RNF144A: variants seen among roughly 807,000 people sequenced by gnomAD.
RNF144A encodes E3 ubiquitin-protein ligase RNF144A.
A neutral mutation model predicts 38.7 loss-of-function variants in RNF144A; 11 were observed. That is an observed-to-expected ratio of 0.28 (90% CI 0.18 to 0.47). The LOEUF (loss-of-function observed/expected upper bound fraction) is 0.47. Ranked by LOEUF, RNF144A falls within the 20% of genes least tolerant of loss-of-function variation. The pLI is 0.99. For missense variants in RNF144A, 316 were observed against 377.2 expected, an observed-to-expected ratio of 0.84 and a Z score of 1.34; for synonymous variants, 149 against 143.9, an observed-to-expected ratio of 1.04 and a Z score of -0.25.
Position 7,060,944 on chromosome 2 carries a change from C to A in RNF144A, c.735-7272C>A, listed in dbSNP as rs576697461. Among the ~76,000 whole-genome samples, 7 of 152,208 alleles carry A rather than the reference C, an allele frequency of 4.6e-5. No individual in the cohort carries two copies. The South Asian group carries it at 1.5e-3, about 32-fold the overall frequency. On this transcript the variant is annotated intron_variant, in intron 6 of 6. Coordinates refer to the RNF144A transcript ENST00000432850. ...GTAGTTTCCTTGAGAGGAGATGGGA[C>A]CTGAGTCTAATAGTTTGTTTTTCCT...
In RNF144A at chr2:6,992,529, G is replaced by T. The variant is rs529330190; in HGVS notation, c.-11-4387G>T. The stretch of plus-strand genomic sequence containing the variant: ...GGGTAAGGAAGGAAAAGGGAGTTAG[G>T]CTGCAGAGGAAACATGAGAGTGTCC... On this transcript the variant is annotated intron_variant, in intron 2 of 8. Transcript: ENST00000320892. Among the ~76,000 whole-genome samples, 8 of 152,356 alleles carry T rather than the reference G, an allele frequency of 5.3e-5. No homozygotes were observed. In the South Asian group the frequency reaches 1.0e-3, roughly 20 times the overall value.
chr2:6,989,798 T>C (rs1433844284), intron 2 of RNF144A, among the ~76,000 whole-genome samples: 1 of 152,158 alleles, frequency 6.6e-6, no homozygotes, highest in African/African-American at 2.4e-5. Context: ...TAACCACTGA[T>C]CTGTTTGCTG....
At chr2:7,063,643 G>A (rs1380543934) in intron 6 of RNF144A, among the ~76,000 whole-genome samples, 1 of 151,912 alleles carries the variant, frequency 6.6e-6, no homozygotes, top group African/African-American at 2.4e-5. Context: ...ATTAAAGGAT[G>A]GGCAAAAAAA....
intron 6 of RNF144A, among the ~76,000 whole-genome samples, chr2:7,061,389 A>G (rs914832226): frequency 6.6e-6 from 1 of 152,186 alleles, no homozygotes; most frequent in African/African-American, 2.4e-5. Context: ...GATATTTTCT[A>G]TTGTTCCTGG....
chr2:6,976,875 CA>C (rs1294416498), intron 2 of RNF144A, among the ~76,000 whole-genome samples: 5 of 151,950 alleles, frequency 3.3e-5, no homozygotes, highest in Non-Finnish European at 7.4e-5. Flanking sequence ...TTCTATAATA[CA>C]TATTCTTCTT....
intron 7 of RNF144A, among the ~76,000 whole-genome samples, chr2:7,027,723 A>T (rs572291856): frequency 1.3e-5 from 2 of 152,216 alleles, no homozygotes; most frequent in South Asian, 4.1e-4. Context: ...TTTTCTGAAC[A>T]ATAGGAGGAA....
chr2:6,958,161 C>T lies in RNF144A; in HGVS notation c.-12+17014C>T, dbSNP rs1667125036. Among the ~76,000 whole-genome samples the T allele has an allele frequency of 6.6e-6, 1 of 152,248 alleles. No homozygotes were observed. The highest frequency in any genetic ancestry group is 6.5e-5 in the Admixed American group (1 of 15,288). On this transcript the variant is annotated intron_variant, in intron 2 of 8. Coordinates refer to ENST00000320892, the MANE Select transcript of RNF144A (RefSeq NM_014746.6). This position sits in a 1 kb window ranked among gnomAD's most constrained non-coding sequence, Gnocchi z 4.5. ...CAGCCACCATGGGGCACCGGGCGTG[C>T]TGTCTCTTCCTGGAAGGTGGAACTT...
intron 2 of RNF144A, among the ~76,000 whole-genome samples, chr2:6,975,931 C>G (rs1422668795): frequency 6.6e-6 from 1 of 152,240 alleles, no homozygotes; most frequent in African/African-American, 2.4e-5. Flanking sequence ...GCTGTTTTCA[C>G]TTAACACATT....
chr2:7,069,444 T>A (rs908041716), downstream of RNF144A, among the ~76,000 whole-genome samples: 6 of 152,224 alleles, frequency 3.9e-5, no homozygotes, highest in African/African-American at 1.4e-4. Flanking sequence ...CTATTTTCCC[T>A]TCTGAGTGGC....
chr2:7,016,602 A>G (rs1671154919), intron 5 of RNF144A, among the ~76,000 whole-genome samples: 1 of 108,188 alleles, frequency 9.2e-6, no homozygotes, highest in African/African-American at 3.7e-5. Flanking sequence ...TTTTACTAAC[A>G]TTATGTTCAA....
rs1408012501 is a variant in RNF144A at position 6,997,013 on chromosome 2, G to A, written c.87G>A (p.Val29=). The change falls in exon 3 of 9, where the codon GTG becomes GTA. Residue 29 remains valine (V), a synonymous_variant. Transcript: ENST00000320892. ...SCKLCLGEYP[V]EQMTTIAQCQ... ...AGCTCTGTCTTGGGGAGTACCCAGT[G>A]GAGCAGATGACAACCATAGCCCAGT... 1.9e-6 allele frequency: 3 copies of A among 1,614,180 alleles called. No individual in the cohort carries two copies. The highest frequency in any genetic ancestry group is 2.2e-5 in the East Asian group (1 of 44,892).
chr2:6,921,098 T>A (rs914747917), intron 1 of RNF144A, among the ~76,000 whole-genome samples: 3 of 152,248 alleles, frequency 2.0e-5, no homozygotes, highest in Non-Finnish European at 2.9e-5. Context: ...GAAAATATTT[T>A]AACTTTCAGA....
intron 2 of RNF144A, among the ~76,000 whole-genome samples, chr2:6,954,990 C>A (rs975898093): frequency 6.6e-6 from 1 of 152,158 alleles, no homozygotes. Flanking sequence ...AAATAGACAC[C>A]TCTTTGACCT....
chr2:7,057,089 A>G (rs1673770446), intron 6 of RNF144A, among the ~76,000 whole-genome samples: 1 of 152,166 alleles, frequency 6.6e-6, no homozygotes, highest in South Asian at 2.1e-4. Context: ...AGGGATGCTT[A>G]TGGGGACTAT....
downstream of RNF144A, among the ~76,000 whole-genome samples, chr2:7,069,510 T>C (rs1052748772): frequency 3.3e-5 from 5 of 152,206 alleles, no homozygotes; most frequent in Non-Finnish European, 7.3e-5. Context: ...CTCTTTGTTG[T>C]TGTTGATTTC....
At chr2:6,981,085 G>A (rs1161655127) in intron 2 of RNF144A, among the ~76,000 whole-genome samples, 1 of 152,302 alleles carries the variant, frequency 6.6e-6, no homozygotes, top group East Asian at 1.9e-4. Flanking sequence ...AGCAGCTGAG[G>A]CCTGGGCCTG....
chr2:7,017,508 G>T (rs1015962806), intron 5 of RNF144A, among the ~76,000 whole-genome samples: 5 of 152,136 alleles, frequency 3.3e-5, no homozygotes, highest in Non-Finnish European at 7.4e-5. Flanking sequence ...GATGAGAGGG[G>T]ATGCTGGGTG....
At chr2:7,045,605 C>G (rs755203335), downstream of RNF144A, among the ~76,000 whole-genome samples, 1 of 152,168 alleles carries the variant, frequency 6.6e-6, no homozygotes, top group Non-Finnish European at 1.5e-5. Context: ...ACCCTGATGA[C>G]CTCATCTTCA....
At chr2:6,991,687 A>C (rs1001934351) in intron 2 of RNF144A, among the ~76,000 whole-genome samples, 2 of 152,206 alleles carry the variant, frequency 1.3e-5, no homozygotes, top group African/African-American at 4.8e-5. Context: ...TCTCAGAGTC[A>C]TTGTGCAGAG....
Sources: gnomAD v4.1 joint callset for allele counts (sites outside exome capture counted in the v4.1 genomes callset) on GRCh38, gnomAD v4.1.1 for gene constraint, Gnocchi (gnomAD v3.1) non-coding constraint, MANE v1.5 for transcripts, NCBI Gene and HGNC (gene_info 2026-07-23, HGNC 2026-07-21) for gene names.